RUVBL1: variants seen among roughly 807,000 people sequenced by gnomAD.
RUVBL1 encodes RuvB like AAA ATPase 1, also known as ruvB-like 1.
In RUVBL1, 4 loss-of-function variants were observed where a neutral mutation model predicts 52.4. The ratio of observed to expected loss-of-function variants is 0.08; its 90% confidence interval spans 0.04 to 0.17. The LOEUF (loss-of-function observed/expected upper bound fraction) is 0.17. RUVBL1 is among the 10% of genes least tolerant of loss of function. RUVBL1 has a pLI of 1.00. For synonymous variants in RUVBL1, 217 were observed against 214.4 expected (o/e 1.01, Z -0.10); for missense variants, 298 against 572.8 (o/e 0.52, Z 4.90).
chr3:128,105,138 AGT>A (rs1691895061), intron 3 of RUVBL1, among the ~76,000 whole-genome samples: 4 of 147,494 alleles, frequency 2.7e-5, no homozygotes, highest in Non-Finnish European at 6.0e-5. Context: ...TTTGAGATAG[AGT>A]CTCGCTCTGT....
intron 9 of RUVBL1, among the ~76,000 whole-genome samples, chr3:128,085,843 C>A (rs1417498457): frequency 2.0e-5 from 3 of 152,188 alleles, no homozygotes; most frequent in Non-Finnish European, 4.4e-5. Flanking sequence ...ATCCTAATGA[C>A]AATGAGATGA....
chr3:128,113,581 A>C (rs1943447059), intron 2 of RUVBL1, among the ~76,000 whole-genome samples: 1 of 152,234 alleles, frequency 6.6e-6, no homozygotes, highest in South Asian at 2.1e-4. Flanking sequence ...GATTACATAC[A>C]ATACCTAATA....
At chr3:128,115,687 G>C (rs1012509743) in intron 2 of RUVBL1, among the ~76,000 whole-genome samples, 7 of 152,148 alleles carry the variant, frequency 4.6e-5, no homozygotes, top group Non-Finnish European at 8.8e-5. Context: ...GGCACACTGG[G>C]TCCACTGAAA....
At chr3:128,113,837 T>C (rs1193378132) in intron 2 of RUVBL1, among the ~76,000 whole-genome samples, 2 of 152,178 alleles carry the variant, frequency 1.3e-5, no homozygotes, top group Non-Finnish European at 2.9e-5. Flanking sequence ...GATACCTGCT[T>C]TCTCTTTTTA....
rs576145894 is a variant in RUVBL1, at chr3:128,093,652, G to A, written c.1016+3648C>T. Among the ~76,000 whole-genome samples the A allele has an allele frequency of 3.9e-5, 6 of 152,292 alleles. No homozygotes were observed. In the South Asian group the frequency reaches 1.2e-3, roughly 32 times the overall value. On this transcript the variant is annotated intron_variant, in intron 8 of 10. Transcript: ENST00000322623. ...AGGGAGCTATACCTCAATATGAAGA[G>A]AAAATCTCCCAGTTTTCAAGCTGGG...
intron 6 of RUVBL1, among the ~76,000 whole-genome samples, chr3:128,100,137 A>G (rs994465903): frequency 1.3e-5 from 2 of 152,254 alleles, no homozygotes; most frequent in East Asian, 1.9e-4. Flanking sequence ...TAGCCAAGGC[A>G]TAAGTATCCA....
intron 2 of RUVBL1, among the ~76,000 whole-genome samples, chr3:128,115,475 T>A (rs1370682847): frequency 6.6e-6 from 1 of 152,224 alleles, no homozygotes; most frequent in South Asian, 2.1e-4. Flanking sequence ...TATTTCTGCC[T>A]GTCACCCAGG....
chr3:128,078,480 G>A (rs1039471765), downstream of RUVBL1, among the ~76,000 whole-genome samples: 4 of 152,164 alleles, frequency 2.6e-5, no homozygotes, highest in South Asian at 2.1e-4. Context: ...GAGACAGGGC[G>A]CTGGGATTTA....
At chr3:128,096,493 A>T (rs1942972722) in intron 8 of RUVBL1, among the ~76,000 whole-genome samples, 1 of 152,092 alleles carries the variant, frequency 6.6e-6, no homozygotes, top group Admixed American at 6.5e-5. Context: ...GAGCGGGAGG[A>T]TGGAAAGACA....
intron 9 of RUVBL1, chr3:128,084,889 A>G (rs1439318548): frequency 2.0e-5 from 3 of 152,322 alleles, no homozygotes; most frequent in Admixed American, 2.0e-4. Context: ...GAGCCAAGAC[A>G]GCCCCAGCCC....
chr3:128,131,554 C>A (rs753288238), intron 1 of RUVBL1, among the ~76,000 whole-genome samples: 2 of 152,016 alleles, frequency 1.3e-5, no homozygotes, highest in African/African-American at 4.8e-5. Flanking sequence ...AGATCAAGAT[C>A]CTGTATGAAT....
In RUVBL1 at chr3:128,098,967, G is replaced by A. The variant is rs141484366; in HGVS notation, c.754-22C>T. The A allele has an allele frequency of 1.2e-3, 1,879 of 1,604,612 alleles. 18 individuals carry two copies. The African/African-American group carries it at 0.022, about 19-fold the overall frequency. ...CCCCCTGCATAAGAGAAGACTTAGA[G>A]TCAGTGCTGCTTTCTAAGGTGACTA... is the stretch of plus-strand genomic sequence containing the variant. On this transcript the variant is annotated intron_variant, in intron 6 of 10. Transcript: ENST00000322623.
At chr3:128,109,878 T>C (rs934375650) in intron 3 of RUVBL1, among the ~76,000 whole-genome samples, 3 of 127,724 alleles carry the variant, frequency 2.3e-5, no homozygotes, top group Admixed American at 9.6e-5. Context: ...TGCAATGGCA[T>C]AATCGCCACT....
chr3:128,090,623 G>T (rs774386792), intron 8 of RUVBL1, among the ~76,000 whole-genome samples: 1 of 152,154 alleles, frequency 6.6e-6, no homozygotes, highest in Admixed American at 6.6e-5. Flanking sequence ...TTCCAGCAAC[G>T]AATGTCTTTT....
chr3:128,112,844 C>A, intron 3 of RUVBL1, 44 bp downstream of exon 3: 1 of 1,603,334 alleles, frequency 6.2e-7, no homozygotes, highest in Non-Finnish European at 8.5e-7. Context: ...GCACAGGCTT[C>A]AGGAAGTGAG....
chr3:128,103,557 GA>G (rs1432161591), intron 4 of RUVBL1, among the ~76,000 whole-genome samples: 10 of 152,188 alleles, frequency 6.6e-5, no homozygotes, highest in African/African-American at 2.4e-4. Context: ...TAAAAATGGA[GA>G]AATTATATGG....
At chr3:128,076,913 G>A (rs750403525), downstream of RUVBL1, among the ~76,000 whole-genome samples, 18 of 152,166 alleles carry the variant, frequency 1.2e-4, no homozygotes, top group Non-Finnish European at 2.2e-4. This position sits in a 1 kb window ranked among gnomAD's most constrained non-coding sequence, Gnocchi z 6.8. Context: ...AGCTGCCGGC[G>A]TCCCCATTAA....
rs1347140802 is a variant in RUVBL1, at chr3:128,065,935, G to A, written c.940-715C>T. Among the ~76,000 whole-genome samples, 3 of 151,592 alleles carry A rather than the reference G, an allele frequency of 2.0e-5. No individual in the cohort carries two copies. In the South Asian group the frequency reaches 6.2e-4, roughly 32 times the overall value. ...TTTTTTTTATTTTTAGTATAGACAG[G>A]GTTTCACCGTGTTAGCCAGGATGGT... On this transcript the variant is annotated intron_variant, in intron 9 of 9. Coordinates refer to the RUVBL1 transcript ENST00000464873.
At chr3:128,118,652 G>A (rs1943578572) in intron 2 of RUVBL1, among the ~76,000 whole-genome samples, 1 of 152,192 alleles carries the variant, frequency 6.6e-6, no homozygotes, top group Admixed American at 6.5e-5. Flanking sequence ...TCCTCTGCCT[G>A]AAAGGCCCTT....
Sources: allele counts gnomAD v4.1 joint callset (sites outside exome capture counted in the v4.1 genomes callset), GRCh38; gene constraint gnomAD v4.1.1; non-coding constraint Gnocchi (gnomAD v3.1); transcripts MANE v1.5; gene names NCBI Gene and HGNC (gene_info 2026-07-23, HGNC 2026-07-21).